EDA: variants seen among roughly 807,000 people sequenced by gnomAD.
EDA encodes the protein ectodysplasin A.
Under a neutral mutation model 23.6 loss-of-function variants are expected in EDA, and 2 were observed. The observed-to-expected ratio is 0.08, with a 90% CI of 0.03 to 0.27. The LOEUF is 0.27. Ranked by LOEUF, EDA falls within the 10% of genes least tolerant of loss-of-function variation. EDA has a pLI of 1.00. For missense variants in EDA, 229 were observed against 324.2 expected (o/e 0.71, Z 2.26); for synonymous variants, 131 against 132.0 (o/e 0.99, Z 0.05).
chrX:69,918,234 A>T (rs1429799261), intron 1 of EDA, among the ~76,000 whole-genome samples: 2 of 103,500 alleles, frequency 1.9e-5, no homozygotes, highest in African/African-American at 3.6e-5. Flanking sequence ...TCAGCTCACT[A>T]CAACCTCCGT....
chrX:69,703,290 A>T (rs2011589013), intron 1 of EDA, among the ~76,000 whole-genome samples: 1 of 111,521 alleles, frequency 9.0e-6, no homozygotes, highest in Non-Finnish European at 1.9e-5. Flanking sequence ...AAACTTTACC[A>T]GTAGGTGAGA....
At chrX:69,833,838 A>G (rs917104706) in intron 1 of EDA, among the ~76,000 whole-genome samples, 2 of 110,606 alleles carry the variant, frequency 1.8e-5, no homozygotes, top group African/African-American at 3.3e-5. Context: ...GTTCTAGGGT[A>G]CATGTGCACA....
chrX:70,018,596 A>G lies in EDA; in HGVS notation c.503-4622A>G, dbSNP rs1314004644. Reference sequence around the variant, plus strand: ...ACAAACGATCTAGAAAGGACTTACTATTCAATAAATGGTGCTGGGATAGCT... The same window carrying G: ...ACAAACGATCTAGAAAGGACTTACTGTTCAATAAATGGTGCTGGGATAGCT... On this transcript the variant is annotated intron_variant, in intron 2 of 7. Transcript: ENST00000374552. Among the ~76,000 whole-genome samples the G allele has an allele frequency of 8.0e-5, 9 of 112,285 alleles. No individual in the cohort carries two copies. The Admixed American group carries it at 8.5e-4, about 11-fold the overall frequency.
intron 1 of EDA, chrX:69,937,498 A>C (rs2018691381): frequency 3.6e-6 from 3 of 825,644 alleles, no homozygotes; most frequent in Non-Finnish European, 5.5e-6. Flanking sequence ...TCTTCAGGCA[A>C]GTTAGAGTTG....
At chrX:69,996,952 G>A (rs1362356917) in intron 2 of EDA, among the ~76,000 whole-genome samples, 7 of 112,054 alleles carry the variant, frequency 6.2e-5, no homozygotes, top group East Asian at 2.8e-4. Context: ...AGGCCTCCCC[G>A]GCCACGTGGA....
intron 1 of EDA, among the ~76,000 whole-genome samples, chrX:69,802,499 CTTAAG>C (rs920109687): frequency 5.4e-5 from 6 of 110,685 alleles, no homozygotes; most frequent in Admixed American, 1.9e-4. Context: ...TGTTTTATTT[CTTAAG>C]TTGAGTAGTA....
At chrX:69,708,692 G>T (rs2011840028) in intron 1 of EDA, among the ~76,000 whole-genome samples, 3 of 111,260 alleles carry the variant, frequency 2.7e-5, no homozygotes. Context: ...ACCTGTATCT[G>T]GCTAGGAAGA....
intron 1 of EDA, among the ~76,000 whole-genome samples, chrX:69,754,266 T>C (rs1169240068): frequency 8.9e-6 from 1 of 111,788 alleles, no homozygotes; most frequent in Non-Finnish European, 1.9e-5. Flanking sequence ...GCAGGCCTGG[T>C]GGTGACAAAA....
intron 1 of EDA, among the ~76,000 whole-genome samples, chrX:69,891,876 A>G (rs1226154830): frequency 2.7e-5 from 3 of 111,279 alleles, no homozygotes; most frequent in Non-Finnish European, 3.8e-5. Context: ...ACGTTTACCT[A>G]TGTAACAAAC....
intron 1 of EDA, among the ~76,000 whole-genome samples, chrX:69,903,209 C>G (rs1054819953): frequency 1.8e-5 from 2 of 111,020 alleles, no homozygotes; most frequent in African/African-American, 6.5e-5. Flanking sequence ...TGCAGCTAGC[C>G]ATTTGAATTC....
intron 1 of EDA, among the ~76,000 whole-genome samples, chrX:69,682,509 G>C (rs1308045871): frequency 8.9e-6 from 1 of 112,306 alleles, no homozygotes; most frequent in Admixed American, 9.4e-5. Context: ...CCAGGTGTGG[G>C]ATATAATCTC....
intron 1 of EDA, among the ~76,000 whole-genome samples, chrX:69,710,048 G>A (rs944615084): frequency 3.6e-5 from 4 of 111,741 alleles, no homozygotes; most frequent in African/African-American, 9.8e-5. Context: ...TGCTTTTGGT[G>A]TTTTATACTT....
intron 1 of EDA, among the ~76,000 whole-genome samples, chrX:69,889,322 A>C (rs905775689): frequency 2.8e-5 from 3 of 107,751 alleles, no homozygotes; most frequent in African/African-American, 1.0e-4. Context: ...TAATTTTTTA[A>C]ATTTTCTTGC....
intron 1 of EDA, among the ~76,000 whole-genome samples, chrX:69,643,617 T>C (rs1932867530): frequency 8.9e-6 from 1 of 112,048 alleles, no homozygotes. Flanking sequence ...TTTAATTAGA[T>C]CCCATTTGTC....
rs183701810 is a variant in EDA, at chrX:69,798,342, A to T, written c.397-158685A>T. On this transcript the variant is annotated intron_variant, in intron 1 of 7. Coordinates refer to ENST00000374552, the MANE Select transcript of EDA (RefSeq NM_001399.5). ...CTAACAGACATTTACAGAACAGTTT[A>T]TCTAACACCTACAGACTATACATTC... Among the ~76,000 whole-genome samples the T allele has an allele frequency of 6.1e-3, 686 of 112,076 alleles. 4 individuals carry two copies. The highest frequency in any genetic ancestry group is 0.011 in the South Asian group (29 of 2,708).
chrX:69,849,939 T>C (rs1405216239), intron 1 of EDA, among the ~76,000 whole-genome samples: 1 of 111,707 alleles, frequency 9.0e-6, no homozygotes, highest in Non-Finnish European at 1.9e-5. Flanking sequence ...GCAGATGTAT[T>C]GGGATATGAC....
At chrX:69,737,395 T>C (rs1409521241) in intron 1 of EDA, among the ~76,000 whole-genome samples, 1 of 112,023 alleles carries the variant, frequency 8.9e-6, no homozygotes, top group Non-Finnish European at 1.9e-5. Flanking sequence ...TTACTAGCTA[T>C]ACTTCTTTGT....
intron 6 of EDA, 49 bp downstream of exon 6, chrX:70,030,569 T>G (rs767087087): frequency 5.6e-6 from 6 of 1,070,594 alleles, no homozygotes; most frequent in Non-Finnish European, 7.7e-6. Context: ...CTCCCCTGCC[T>G]CCTCCCCAGC....
At chrX:69,762,375 C>T (rs755735268) in intron 1 of EDA, among the ~76,000 whole-genome samples, 40 of 112,119 alleles carry the variant, frequency 3.6e-4, no homozygotes, top group Non-Finnish European at 5.3e-4. Flanking sequence ...AAGCTTCCAA[C>T]CAGCCCTTTC....
Sources: gnomAD v4.1 joint callset for allele counts (sites outside exome capture counted in the v4.1 genomes callset) on GRCh38, gnomAD v4.1.1 for gene constraint, MANE v1.5 for transcripts, NCBI Gene and HGNC (gene_info 2026-07-23, HGNC 2026-07-21) for gene names.